DMGDH: variants seen among roughly 807,000 people sequenced by gnomAD.
DMGDH encodes dimethylglycine dehydrogenase, mitochondrial.
Under a neutral mutation model 95.2 loss-of-function variants are expected in DMGDH, and 76 were observed. That is an observed-to-expected ratio of 0.80 (90% confidence interval 0.66 to 0.97). The LOEUF (loss-of-function observed/expected upper bound fraction) is 0.97. Among genes scored for constraint, DMGDH ranks in the 50% least tolerant of loss-of-function variants. The pLI is 0.00. For synonymous variants in DMGDH, 345 were observed against 377.6 expected (o/e 0.91, Z 1.00); for missense variants, 987 against 1,055.0 (o/e 0.94, Z 0.89).
At chr5:79,067,162 A>G (rs1230870060) in intron 1 of DMGDH, among the ~76,000 whole-genome samples, 1 of 152,218 alleles carries the variant, frequency 6.6e-6, no homozygotes, top group East Asian at 1.9e-4. Flanking sequence ...TGCTTTTGAC[A>G]TGGCTACATA....
chr5:79,024,061 T>C (rs1326300312), intron 14 of DMGDH, among the ~76,000 whole-genome samples: 2 of 152,258 alleles, frequency 1.3e-5, no homozygotes, highest in Non-Finnish European at 2.9e-5. Flanking sequence ...TGGATTCTGC[T>C]ATCTTAAATC....
intron 15 of DMGDH, among the ~76,000 whole-genome samples, chr5:78,999,925 T>G (rs1753425675): frequency 6.6e-6 from 1 of 151,982 alleles, no homozygotes; most frequent in Admixed American, 6.6e-5. Flanking sequence ...TATTGCTTTA[T>G]ATTATAAGAA....
chr5:79,021,658 A>C (rs1481622029), intron 14 of DMGDH: 5 of 1,314,786 alleles, frequency 3.8e-6, no homozygotes, highest in Non-Finnish European at 5.0e-6. Flanking sequence ...CCTCCTTAAA[A>C]TGGGCAAAGC....
At chr5:79,032,928 T>G in intron 8 of DMGDH, 88 bp from the exon 9 acceptor site, 1 of 1,518,088 alleles carries the variant, frequency 6.6e-7, no homozygotes, top group South Asian at 1.1e-5. Flanking sequence ...AATACAGTAC[T>G]TAAAATCCAG....
At chr5:79,022,946 C>G (rs919037498) in intron 14 of DMGDH, among the ~76,000 whole-genome samples, 1 of 152,194 alleles carries the variant, frequency 6.6e-6, no homozygotes, top group Non-Finnish European at 1.5e-5. Context: ...AGGGAGCAAT[C>G]TGCTGCTAGG....
rs146240837 is a variant in DMGDH at position 79,055,915 on chromosome 5, A to C, written c.277-7T>G. 1,300 of 1,554,428 alleles carry C rather than the reference A, an allele frequency of 8.4e-4. 12 individuals carry two copies. The African/African-American group carries it at 0.015, about 18-fold the overall frequency. ...AGTAAGTTGTTAAACCTGCCTTAAA[A>C]GCAGAGAGGAAAAGAAATACTGAAA... On this transcript the variant is annotated splice_region_variant and splice_polypyrimidine_tract_variant and intron_variant, in intron 2 of 15. Coordinates refer to ENST00000255189, the MANE Select transcript of DMGDH (RefSeq NM_013391.3).
At chr5:79,008,299 G>GT (rs943179122) in intron 14 of DMGDH, among the ~76,000 whole-genome samples, 70 of 152,192 alleles carry the variant, frequency 4.6e-4, no homozygotes, top group African/African-American at 1.7e-3. Context: ...AGACGAGTAG[G>GT]TTTCATAAAA....
Position 79,055,791 on chromosome 5 carries a change from T to C in DMGDH, c.375+19A>G. The C allele has an allele frequency of 6.6e-7, 1 of 1,508,350 alleles. No individual in the cohort carries two copies. 93.4% of individuals were successfully genotyped at this position (1,508,350 alleles called of 1,614,324 possible). ...TGAGAAGCCGACCTAACAGACAGTT[T>C]CAAGTTAAATGCCTTTACCTGACCA... On this transcript the variant is annotated intron_variant, in intron 3 of 15. Coordinates refer to ENST00000255189, the MANE Select transcript of DMGDH (RefSeq NM_013391.3).
At chr5:79,069,257 C>T (rs1755473345) in intron 1 of DMGDH, among the ~76,000 whole-genome samples, 1 of 152,154 alleles carries the variant, frequency 6.6e-6, no homozygotes, top group South Asian at 2.1e-4. Flanking sequence ...CCTGTGTTTG[C>T]CTATGCGTAG....
At chr5:79,004,763 G>T (rs1753515576) in intron 15 of DMGDH, among the ~76,000 whole-genome samples, 1 of 152,116 alleles carries the variant, frequency 6.6e-6, no homozygotes, top group Non-Finnish European at 1.5e-5. Flanking sequence ...ATGAGAAGGT[G>T]ATTTTACTCT....
chr5:79,008,021 T>C (rs1441245721), intron 14 of DMGDH, among the ~76,000 whole-genome samples: 1 of 152,202 alleles, frequency 6.6e-6, no homozygotes, highest in Non-Finnish European at 1.5e-5. Context: ...ATTGGAAACA[T>C]AGCAGAACAT....
At chr5:79,059,824 G>A (rs1213637230) in intron 2 of DMGDH, among the ~76,000 whole-genome samples, 1 of 152,110 alleles carries the variant, frequency 6.6e-6, no homozygotes, top group Non-Finnish European at 1.5e-5. Flanking sequence ...GAAATCACTG[G>A]CAGCCATTTG....
At chr5:79,027,840 CTTTTTTT>C (rs771037679) in intron 12 of DMGDH, among the ~76,000 whole-genome samples, 15 of 109,470 alleles carry the variant, frequency 1.4e-4, no homozygotes, top group Admixed American at 4.2e-4. Flanking sequence ...CCCCACTTTT[CTTTTTTT>C]TTTTTTTTTT....
At chr5:79,050,111 G>T (rs1286466095) in intron 5 of DMGDH, among the ~76,000 whole-genome samples, 4 of 151,394 alleles carry the variant, frequency 2.6e-5, no homozygotes, top group Admixed American at 2.0e-4. Context: ...ACAAAAATTA[G>T]CCGGGTGTGG....
At chr5:79,067,545 A>G (rs1030970952) in intron 1 of DMGDH, among the ~76,000 whole-genome samples, 2 of 152,182 alleles carry the variant, frequency 1.3e-5, no homozygotes, top group Non-Finnish European at 2.9e-5. Flanking sequence ...AAATTTACAC[A>G]AGGGTCTCAA....
chr5:79,050,273 AATATATATATATAT>A (rs761250761), intron 5 of DMGDH, among the ~76,000 whole-genome samples: 460 of 20,906 alleles, frequency 0.022, 3 homozygotes, highest in Middle Eastern at 0.12. Flanking sequence ...AAAAAAAAAA[AATATATATATATAT>A]ATATATATAT....
At position 79,030,974 on chromosome 5, in the gene DMGDH, C is replaced by T; in HGVS notation, c.1542G>A (p.Trp514Ter). The T allele has an allele frequency of 6.2e-7, 1 of 1,614,192 alleles. No homozygotes were observed. Among genetic ancestry groups the T allele is most frequent in the Non-Finnish European group, 8.5e-7 (1 of 1,180,026 alleles). Reference sequence around the variant, plus strand: ...TATACTCCGAGCCCACAGGCTCAAACCAGTTTGTGCGGCGAAAACTTGGCC... The same window carrying T: ...TATACTCCGAGCCCACAGGCTCAAATCAGTTTGTGCGGCGAAAACTTGGCC... The part of the protein sequence containing the change: ...QYRPSFRRTN[W>*]FEPVGSEYKQ... Residue 514 changes from tryptophan (W) to a stop codon, truncating the protein, a stop_gained, in exon 10 of 16, where the codon TGG (tryptophan) becomes TGA (stop). Transcript: ENST00000255189. LOFTEE classifies it high-confidence loss of function.
intron 2 of DMGDH, among the ~76,000 whole-genome samples, chr5:79,057,027 T>C (rs564319942): frequency 7.2e-5 from 11 of 152,274 alleles, no homozygotes; most frequent in African/African-American, 2.6e-4. Context: ...TTCCTGAAAT[T>C]GCAAAATTTA....
intron 15 of DMGDH, among the ~76,000 whole-genome samples, chr5:78,999,021 T>A (rs1389199888): frequency 6.6e-6 from 1 of 152,160 alleles, no homozygotes; most frequent in East Asian, 1.9e-4. Flanking sequence ...AAACACGATA[T>A]ATAGCCCTGC....
Sources: allele counts gnomAD v4.1 joint callset (sites outside exome capture counted in the v4.1 genomes callset), GRCh38; gene constraint gnomAD v4.1.1; transcripts MANE v1.5; gene names NCBI Gene and HGNC (gene_info 2026-07-23, HGNC 2026-07-21).